The following BLTP3B variants were observed in gnomAD, a reference collection of about 807,000 sequenced individuals.
BLTP3B encodes bridge-like lipid transfer protein family member 3B, also known as UHRF1 (ICBP90) binding protein 1-like.
chr12:100,111,187 T>C, the BLTP3B span, among the ~76,000 whole-genome samples: 95 of 151,940 alleles, frequency 6.3e-4, no homozygotes, highest in African/African-American at 2.1e-3. Context: ...TTGATGAAAA[T>C]TCAAGTCACA....
the BLTP3B span, among the ~76,000 whole-genome samples, chr12:100,055,429 C>G: frequency 1.3e-5 from 2 of 152,064 alleles, no homozygotes; most frequent in East Asian, 3.9e-4. Flanking sequence ...GTAATCCCAG[C>G]ATTTTGGGAG....
At chr12:100,066,644 A>T in the BLTP3B span, among the ~76,000 whole-genome samples, 1 of 151,514 alleles carries the variant, frequency 6.6e-6, no homozygotes, top group Non-Finnish European at 1.5e-5. Flanking sequence ...AAAAAAAAAA[A>T]ATACAAAAAA....
chr12:100,071,540 A>AC, the BLTP3B span, among the ~76,000 whole-genome samples: 2 of 151,576 alleles, frequency 1.3e-5, no homozygotes, highest in African/African-American at 4.8e-5. Context: ...ATGAACTGAG[A>AC]CAATAGCAGA....
the BLTP3B span, among the ~76,000 whole-genome samples, chr12:100,086,980 G>A: frequency 1.3e-5 from 2 of 151,988 alleles, no homozygotes; most frequent in African/African-American, 4.8e-5. Flanking sequence ...CCAACATAGT[G>A]AAACTCCGTC....
chr12:100,069,867 T>A, the BLTP3B span: 26 of 813,072 alleles, frequency 3.2e-5, no homozygotes, highest in East Asian at 2.1e-4. Flanking sequence ...AAATAAAAAA[T>A]TTTTTTAAAT....
chr12:100,047,466 T>A, the BLTP3B span: 1 of 1,273,680 alleles, frequency 7.9e-7, no homozygotes. Context: ...GCCATTGCAC[T>A]CAAGCCTGGG....
chr12:100,122,744 C>G, the BLTP3B span, among the ~76,000 whole-genome samples: 1 of 152,160 alleles, frequency 6.6e-6, no homozygotes, highest in African/African-American at 2.4e-5. Context: ...TCCCACATGT[C>G]CCATCCCTGC....
chr12:100,104,884 C>CAAAA, the BLTP3B span, among the ~76,000 whole-genome samples: 15 of 66,022 alleles, frequency 2.3e-4, no homozygotes, highest in African/African-American at 3.7e-4. Context: ...ACTGCTACTA[C>CAAAA]AAAAAAAAAA....
chr12:100,118,738 T>TA, the BLTP3B span, among the ~76,000 whole-genome samples: 5 of 152,206 alleles, frequency 3.3e-5, no homozygotes, highest in African/African-American at 4.8e-5. Context: ...AGCTTATTTT[T>TA]AAAAAATCAG....
the BLTP3B span, among the ~76,000 whole-genome samples, chr12:100,071,689 T>G: frequency 6.6e-6 from 1 of 152,164 alleles, no homozygotes; most frequent in Non-Finnish European, 1.5e-5. Flanking sequence ...TAAAAATTCA[T>G]GTAATTCAAT....
At chr12:100,129,833 G>A in the BLTP3B span, among the ~76,000 whole-genome samples, 2 of 152,134 alleles carry the variant, frequency 1.3e-5, no homozygotes, top group Admixed American at 6.5e-5. Context: ...AAATTTGGAG[G>A]ACCTAAAAAA....
At chr12:100,106,883 T>G in the BLTP3B span, among the ~76,000 whole-genome samples, 1 of 152,260 alleles carries the variant, frequency 6.6e-6, no homozygotes, top group East Asian at 1.9e-4. Flanking sequence ...GGAGCCCAAA[T>G]TTTAGTTTTA....
At chr12:100,063,635 G>C in the BLTP3B span, among the ~76,000 whole-genome samples, 4 of 150,652 alleles carry the variant, frequency 2.7e-5, no homozygotes, top group Non-Finnish European at 5.9e-5. Context: ...GAGCCCAGGA[G>C]ACGAAGGTTG....
chr12:100,039,333 T>C, the BLTP3B span, among the ~76,000 whole-genome samples: 13 of 151,862 alleles, frequency 8.6e-5, no homozygotes, highest in Middle Eastern at 3.2e-3. Context: ...TATGTACACT[T>C]GAATATTAAT....
chr12:100,108,327 T>C, the BLTP3B span: 18 of 1,545,396 alleles, frequency 1.2e-5, no homozygotes, highest in South Asian at 2.5e-5. Context: ...AGCCAAAATA[T>C]AGAAGGAAAA....
chr12:100,050,289 AC>A, the BLTP3B span: 1 of 1,607,626 alleles, frequency 6.2e-7, no homozygotes, highest in South Asian at 1.1e-5. Context: ...CCCCATTAAC[AC>A]CAGTAATTTT....
At chr12:100,080,349 CT>C in the BLTP3B span, among the ~76,000 whole-genome samples, 33,462 of 141,008 alleles carry the variant, frequency 0.24, 4,760 homozygotes, top group African/African-American at 0.45. Context: ...GAACCCATCT[CT>C]TTTTTTTTTT....
the BLTP3B span, among the ~76,000 whole-genome samples, chr12:100,117,334 C>T: frequency 6.6e-6 from 1 of 152,054 alleles, no homozygotes; most frequent in Admixed American, 6.6e-5. Context: ...TAATATGTAC[C>T]CCTGATTTGA....
chr12:100,052,267 T>C, the BLTP3B span, among the ~76,000 whole-genome samples: 1 of 152,000 alleles, frequency 6.6e-6, no homozygotes, highest in Non-Finnish European at 1.5e-5. Flanking sequence ...GGTCTCGAAC[T>C]CCTGACCTCA....
Sources: gnomAD v4.1 joint callset for allele counts (sites outside exome capture counted in the v4.1 genomes callset) on GRCh38, gnomAD v4.1.1 for gene constraint, MANE v1.5 for transcripts, NCBI Gene and HGNC (gene_info 2026-07-23, HGNC 2026-07-21) for gene names.